TAS1R1: variants seen among roughly 807,000 people sequenced by gnomAD.
TAS1R1 encodes taste receptor type 1 member 1.
Under a neutral mutation model 45.8 loss-of-function variants are expected in TAS1R1, and 31 were observed. That is an observed-to-expected ratio of 0.68 (90% CI 0.51 to 0.91). TAS1R1 has a LOEUF of 0.91. TAS1R1 is among the 40% of genes least tolerant of loss of function. The pLI is 0.00. For synonymous variants in TAS1R1, 437 were observed against 448.4 expected (o/e 0.97, Z 0.32); for missense variants, 1,051 against 1,063.9 (o/e 0.99, Z 0.17).
At chr1:6,573,557 A>AT (rs1640075464) in intron 2 of TAS1R1, among the ~76,000 whole-genome samples, 1 of 152,212 alleles carries the variant, frequency 6.6e-6, no homozygotes, top group Non-Finnish European at 1.5e-5. Context: ...CCTTTTCGGC[A>AT]TCAGGGACTG....
chr1:6,568,834 G>A (rs991865319), intron 1 of TAS1R1, among the ~76,000 whole-genome samples: 1 of 152,188 alleles, frequency 6.6e-6, no homozygotes, highest in Admixed American at 6.5e-5. Context: ...GTGGAAGAGA[G>A]GATAATGTAG....
rs1424557426 is a variant in TAS1R1 at position 6,574,314 on chromosome 1, T to C, written c.499-317T>C. Among the ~76,000 whole-genome samples the C allele has an allele frequency of 6.6e-6, 1 of 152,232 alleles. No individual in the cohort carries two copies. The highest frequency in any genetic ancestry group is 1.9e-4 in the East Asian group (1 of 5,194). On this transcript the variant is annotated intron_variant, in intron 2 of 5. Transcript: ENST00000333172. The surrounding 1 kb of genome is among the most constrained non-coding windows in gnomAD (Gnocchi z 4.3). ...CCTAACTTCTGCCCTGACCTACACA[T>C]GCTTCTCTTCTTCCTTGCAAACTGC...
intron 1 of TAS1R1, among the ~76,000 whole-genome samples, chr1:6,564,186 T>C (rs1269535672): frequency 6.6e-6 from 1 of 152,118 alleles, no homozygotes; most frequent in Non-Finnish European, 1.5e-5. Flanking sequence ...AGAGTTTGGC[T>C]GCGGTGGGGA....
chr1:6,570,229 G>C (rs1639975817), intron 1 of TAS1R1, among the ~76,000 whole-genome samples: 3 of 152,090 alleles, frequency 2.0e-5, no homozygotes, highest in Admixed American at 2.0e-4. Context: ...CAGACTAGGG[G>C]GTGTAAGTAT....
At chr1:6,555,664 C>T in intron 1 of TAS1R1, 100 bp downstream of exon 1, 6 of 1,151,228 alleles carry the variant, frequency 5.2e-6, no homozygotes, top group Non-Finnish European at 7.3e-6. Context: ...TGCCTTTGCC[C>T]CTTGAACTGT....
chr1:6,558,797 C>A (rs1639730232), intron 1 of TAS1R1, among the ~76,000 whole-genome samples: 2 of 152,136 alleles, frequency 1.3e-5, no homozygotes, highest in South Asian at 4.1e-4. Context: ...TGGCTCACTG[C>A]AACCTCTGCC....
At chr1:6,562,068 G>A (rs1464544762) in intron 1 of TAS1R1, among the ~76,000 whole-genome samples, 2 of 152,214 alleles carry the variant, frequency 1.3e-5, no homozygotes, top group East Asian at 3.8e-4. Flanking sequence ...CTGCAGCTGT[G>A]CCGGTTTAGC....
At chr1:6,571,311 C>A (rs1343902879) in intron 2 of TAS1R1, 96 bp downstream of exon 2, 1 of 1,333,442 alleles carries the variant, frequency 7.5e-7, no homozygotes, top group Non-Finnish European at 1.0e-6. Flanking sequence ...AGGCTGCCTG[C>A]CCCCTGGATC....
intron 1 of TAS1R1, among the ~76,000 whole-genome samples, chr1:6,570,604 A>G (rs1033663561): frequency 2.0e-5 from 3 of 152,190 alleles, no homozygotes; most frequent in Non-Finnish European, 4.4e-5. Flanking sequence ...GCCAGCCCTC[A>G]CAATGTGAAC....
At chr1:6,558,050 T>C (rs79986895) in intron 1 of TAS1R1, among the ~76,000 whole-genome samples, 1 of 150,418 alleles carries the variant, frequency 6.6e-6, no homozygotes, top group Non-Finnish European at 1.5e-5. Flanking sequence ...TTGTTTTTGT[T>C]TTTGTTTTTT....
chr1:6,572,206 G>C (rs1178857317), intron 2 of TAS1R1, among the ~76,000 whole-genome samples: 1 of 151,864 alleles, frequency 6.6e-6, no homozygotes, highest in Admixed American at 6.6e-5. Flanking sequence ...GTGAGCTGGG[G>C]CACCTTCTAG....
chr1:6,570,897 C>A lies in TAS1R1; in HGVS notation c.192-12C>A. 1 of 1,581,914 alleles carries A rather than the reference C, an allele frequency of 6.3e-7. No homozygotes were observed. The highest frequency in any genetic ancestry group is 1.2e-5 in the South Asian group (1 of 84,010). The stretch of plus-strand genomic sequence containing the variant: ...GTCCTTCTCAGCTGTCTCTTACTGG[C>A]TTTCTCCACAGGTCTTGTAGCTTCA... On this transcript the variant is annotated splice_polypyrimidine_tract_variant and intron_variant, in intron 1 of 5. Transcript: ENST00000333172.
At chr1:6,573,282 C>T (rs1340817097) in intron 2 of TAS1R1, among the ~76,000 whole-genome samples, 1 of 152,258 alleles carries the variant, frequency 6.6e-6, no homozygotes, top group East Asian at 1.9e-4. Context: ...CGTGGTGAAA[C>T]CCTGTCTCTG....
intron 1 of TAS1R1, among the ~76,000 whole-genome samples, chr1:6,564,457 G>A (rs1639839900): frequency 6.6e-6 from 1 of 152,302 alleles, no homozygotes; most frequent in East Asian, 1.9e-4. Flanking sequence ...AATGGACTGA[G>A]GAAGGAGGGT....
intron 1 of TAS1R1, among the ~76,000 whole-genome samples, chr1:6,567,904 G>A (rs950819175): frequency 6.6e-6 from 1 of 152,118 alleles, no homozygotes; most frequent in Non-Finnish European, 1.5e-5. Flanking sequence ...AGCAGGGCCC[G>A]GGAGGATTAC....
At position 6,579,721 on chromosome 1, in the gene TAS1R1, C is replaced by T. The variant is rs1422122214; in HGVS notation, c.*137C>T. 1.6e-5 allele frequency: 19 copies of T among 1,219,434 alleles called. No homozygotes were observed. Among genetic ancestry groups the T allele is most frequent in the Non-Finnish European group, 2.1e-5 (19 of 900,252 alleles). The allele number at this position is 1,219,434 out of a possible 1,614,324, so 75.5% of individuals were successfully genotyped here. A position where few individuals can be genotyped will look rare whatever the true frequency, so the allele number is the denominator to read the frequency against. ...TGTAAGCGCCTGGGAGAGCCTAGACCAGGCTCCGGGCTGCCAATAAAGAAG... is the reference window on the plus strand; with the variant it reads ...TGTAAGCGCCTGGGAGAGCCTAGACTAGGCTCCGGGCTGCCAATAAAGAAG... On this transcript the variant is annotated 3_prime_UTR_variant, in exon 6 of 6. Coordinates refer to ENST00000333172, the MANE Select transcript of TAS1R1 (RefSeq NM_138697.4).
intron 1 of TAS1R1, among the ~76,000 whole-genome samples, chr1:6,559,887 G>A (rs980907038): frequency 6.6e-6 from 1 of 151,672 alleles, no homozygotes; most frequent in Non-Finnish European, 1.5e-5. Context: ...GTACTCTGGA[G>A]GCTGAGGCAG....
chr1:6,564,037 A>C (rs979645143), intron 1 of TAS1R1, among the ~76,000 whole-genome samples: 2 of 152,118 alleles, frequency 1.3e-5, no homozygotes, highest in African/African-American at 4.8e-5. Flanking sequence ...TCCTTTAGGG[A>C]CGGGCATGAG....
chr1:6,555,531 T>C lies in TAS1R1; in HGVS notation c.158T>C (p.Val53Ala), dbSNP rs538783450. ...CCTCTCCATTCTGGCTGTCTGCAGGTGAGGCACAGACCCGAGGTGACCCTG... is the reference window on the plus strand; with the variant it reads ...CCTCTCCATTCTGGCTGTCTGCAGGCGAGGCACAGACCCGAGGTGACCCTG... ...LFPLHSGCLQ[V>A]RHRPEVTLCD... Residue 53 changes from valine (V) to alanine (A), a missense_variant, in exon 1 of 6, where the codon GTG (valine) becomes GCG (alanine). By Grantham distance (64) the Val-to-Ala change is moderately conservative. Transcript: ENST00000333172. The C allele has an allele frequency of 3.9e-6, 6 of 1,556,220 alleles. No homozygotes were observed. The South Asian group carries it at 5.9e-5, about 15-fold the overall frequency.
Sources: gnomAD v4.1 joint callset for allele counts (sites outside exome capture counted in the v4.1 genomes callset) on GRCh38, gnomAD v4.1.1 for gene constraint, Gnocchi (gnomAD v3.1) non-coding constraint, MANE v1.5 for transcripts, NCBI Gene and HGNC (gene_info 2026-07-23, HGNC 2026-07-21) for gene names.